The following TXNRD2 variants were observed in gnomAD, a reference collection of about 807,000 sequenced individuals.
The protein encoded by TXNRD2 is thioredoxin reductase 2, mitochondrial.
A neutral mutation model predicts 70.8 loss-of-function variants in TXNRD2; 67 were observed. The observed-to-expected ratio is 0.95, with a 90% confidence interval of 0.78 to 1.16. The LOEUF (loss-of-function observed/expected upper bound fraction) is 1.16, where lower values mean the gene tolerates loss of function less well. Among genes scored for constraint, TXNRD2 ranks in the 50% most tolerant of loss-of-function variants. TXNRD2 has a pLI of 0.00. For missense variants in TXNRD2, 644 were observed against 719.9 expected (o/e 0.89, Z 1.21); for synonymous variants, 301 against 295.8 (o/e 1.02, Z -0.18).
At chr22:19,897,534 C>T (rs1001947525) in intron 10 of TXNRD2, among the ~76,000 whole-genome samples, 7 of 152,332 alleles carry the variant, frequency 4.6e-5, no homozygotes, top group South Asian at 2.1e-4. Context: ...AGATGAAGGC[C>T]ACTGTACACA....
intron 7 of TXNRD2, chr22:19,914,970 C>A: frequency 1.9e-6 from 1 of 514,542 alleles, no homozygotes; most frequent in East Asian, 3.5e-5. Context: ...ACAGATCCAG[C>A]GGGGCAGGGG....
intron 6 of TXNRD2, among the ~76,000 whole-genome samples, 181 bp downstream of exon 6, chr22:19,915,584 G>A (rs1940600887): frequency 6.6e-6 from 1 of 152,232 alleles, no homozygotes; most frequent in Non-Finnish European, 1.5e-5. Flanking sequence ...ACTCCGAGCA[G>A]CAGGGCAGCA....
At chr22:19,910,021 T>A (rs1361619624) in intron 8 of TXNRD2, among the ~76,000 whole-genome samples, 1 of 150,218 alleles carries the variant, frequency 6.7e-6, no homozygotes, top group South Asian at 2.1e-4. Context: ...ACGCACACCA[T>A]GCACATTCGG....
chr22:19,880,591 G>C, intron 13 of TXNRD2, 31 bp downstream of exon 13: 1 of 1,599,710 alleles, frequency 6.3e-7, no homozygotes, highest in Non-Finnish European at 8.6e-7. Flanking sequence ...CCTGTCCTAG[G>C]CTGCACGTGG....
At chr22:19,885,967 T>C (rs1339423501) in intron 11 of TXNRD2, among the ~76,000 whole-genome samples, 1 of 152,244 alleles carries the variant, frequency 6.6e-6, no homozygotes, top group East Asian at 1.9e-4. Flanking sequence ...CTTCCGCACA[T>C]GCTCTGTGGA....
intron 10 of TXNRD2, among the ~76,000 whole-genome samples, chr22:19,896,036 A>G (rs1939490980): frequency 6.6e-6 from 1 of 151,816 alleles, no homozygotes; most frequent in South Asian, 2.1e-4. Context: ...GATGGCTCAC[A>G]CCTGTGATCC....
chr22:19,909,884 C>CCACACACACCCT (rs745744670), intron 8 of TXNRD2, among the ~76,000 whole-genome samples: 10,649 of 44,336 alleles, frequency 0.24, 1,110 homozygotes, highest in Admixed American at 0.26. Flanking sequence ...TCACACACAC[C>CCACACACACCCT]ACTCACACAC....
At chr22:19,928,731 A>AC (rs1941245997) in intron 2 of TXNRD2, among the ~76,000 whole-genome samples, 2 of 152,152 alleles carry the variant, frequency 1.3e-5, no homozygotes, top group Admixed American at 1.3e-4. Context: ...AGTTGGCTGG[A>AC]CACGGTGACT....
At chr22:19,892,533 C>T (rs891555387) in intron 11 of TXNRD2, among the ~76,000 whole-genome samples, 1 of 152,262 alleles carries the variant, frequency 6.6e-6, no homozygotes, top group Non-Finnish European at 1.5e-5. Flanking sequence ...GTGCAGGCCA[C>T]GGCAGCTCTG....
intron 1 of TXNRD2, among the ~76,000 whole-genome samples, chr22:19,937,786 G>A (rs1009010147): frequency 3.9e-5 from 6 of 152,156 alleles, no homozygotes; most frequent in African/African-American, 1.4e-4. Flanking sequence ...CTGCGTTGTC[G>A]TAAGGGTAAA....
At position 19,925,031 on chromosome 22, in the gene TXNRD2, T is replaced by C. The variant is rs143904750; in HGVS notation, c.173-5432A>G. 5.9e-3 allele frequency among the ~76,000 whole-genome samples: 884 copies of C among 148,886 alleles called. 13 individuals are homozygous for C. Among genetic ancestry groups the C allele is most frequent in the African/African-American group, 0.02 (824 of 40,410 alleles). On this transcript the variant is annotated intron_variant, in intron 2 of 17. Transcript: ENST00000400521. ...CAGGCATGGTGGCTCACGCCTGTAA[T>C]CCCAGCACTTTGGGAGGCCAAGGGG...
At chr22:19,900,142 G>C (rs551754231) in intron 8 of TXNRD2, among the ~76,000 whole-genome samples, 50 of 152,336 alleles carry the variant, frequency 3.3e-4, no homozygotes, top group Non-Finnish European at 3.2e-4. Context: ...CCACTGTCAG[G>C]ATTAGGGTGA....
At chr22:19,892,741 G>A (rs566730121) in intron 11 of TXNRD2, among the ~76,000 whole-genome samples, 6 of 152,308 alleles carry the variant, frequency 3.9e-5, no homozygotes, top group African/African-American at 1.4e-4. Context: ...AGGGCGCGGT[G>A]GGAGGGAGAA....
Position 19,918,900 on chromosome 22 carries a change from TGGG to T in TXNRD2, c.331_333del (p.Pro111del). On this transcript the variant is annotated inframe_deletion, in exon 4 of 18. Transcript: ENST00000400521. The stretch of plus-strand genomic sequence containing the variant: ...GGCTGGGCCACCTCCCAGCCATAGT[TGGG>T]GGCATCTTGGATCAGGCCTCCCAGC... 1 of 1,612,432 alleles carries T rather than the reference TGGG, an allele frequency of 6.2e-7. No individual in the cohort carries two copies. The highest frequency in any genetic ancestry group is 1.3e-5 in the African/African-American group (1 of 74,966).
At chr22:19,892,011 G>A (rs547367739) in intron 11 of TXNRD2, among the ~76,000 whole-genome samples, 2 of 152,220 alleles carry the variant, frequency 1.3e-5, no homozygotes, top group Non-Finnish European at 2.9e-5. Context: ...GGCCCCACAC[G>A]GGAGCTCTGT....
chr22:19,903,861 A>G (rs544524299), intron 8 of TXNRD2, among the ~76,000 whole-genome samples: 20 of 152,338 alleles, frequency 1.3e-4, no homozygotes, highest in African/African-American at 4.8e-4. Flanking sequence ...ATTTGGGGTC[A>G]CGTGCCCCTC....
intron 1 of TXNRD2, among the ~76,000 whole-genome samples, chr22:19,938,466 AGGTTGAG>A (rs1350221351): frequency 1.3e-5 from 2 of 152,160 alleles, no homozygotes; most frequent in Non-Finnish European, 2.9e-5. Context: ...CAAGGAAAAA[AGGTTGAG>A]GGCCTAGTTG....
At chr22:19,938,485 T>C (rs1941604568) in intron 1 of TXNRD2, among the ~76,000 whole-genome samples, 1 of 152,228 alleles carries the variant, frequency 6.6e-6, no homozygotes, top group South Asian at 2.1e-4. Flanking sequence ...GCCTAGTTGA[T>C]ACTGGGGCTG....
intron 8 of TXNRD2, among the ~76,000 whole-genome samples, chr22:19,909,441 A>T (rs1211244019): frequency 6.6e-6 from 1 of 151,882 alleles, no homozygotes; most frequent in Non-Finnish European, 1.5e-5. Flanking sequence ...TCCTGACCCC[A>T]CACAAAGATG....
Sources: allele counts gnomAD v4.1 joint callset (sites outside exome capture counted in the v4.1 genomes callset), GRCh38; gene constraint gnomAD v4.1.1; transcripts MANE v1.5; gene names NCBI Gene and HGNC (gene_info 2026-07-23, HGNC 2026-07-21).